Variants in DUS2 observed in about 807,000 individuals in gnomAD.
The protein encoded by DUS2 is dihydrouridine synthase 2, also known as tRNA-dihydrouridine(20) synthase [NAD(P)+]-like.
In DUS2, 52 loss-of-function variants were observed where a neutral mutation model predicts 71.3. That is an observed-to-expected ratio of 0.73 (90% CI 0.58 to 0.92). DUS2 has a LOEUF of 0.92. Ranked by LOEUF, DUS2 falls within the 40% of genes least tolerant of loss-of-function variation. The pLI is 0.00. For missense variants in DUS2, 558 were observed against 622.6 expected, an observed-to-expected ratio of 0.90 and a Z score of 1.10; for synonymous variants, 204 against 227.8, an observed-to-expected ratio of 0.90 and a Z score of 0.94.
chr16:68,063,030 T>C (rs545019369), intron 8 of DUS2, among the ~76,000 whole-genome samples: 1 of 152,346 alleles, frequency 6.6e-6, no homozygotes, highest in South Asian at 2.1e-4. Flanking sequence ...GCATTTTTGT[T>C]ATCCTCCAGC....
chr16:68,067,622 G>GAAT (rs1277278813), intron 10 of DUS2, among the ~76,000 whole-genome samples: 3 of 151,568 alleles, frequency 2.0e-5, no homozygotes, highest in Non-Finnish European at 4.4e-5. Flanking sequence ...CTTCTCCCTT[G>GAAT]AATAATCCCA....
intron 16 of DUS2, 99 bp from the exon 17 acceptor site, chr16:68,078,650 C>T: frequency 1.3e-6 from 2 of 1,484,566 alleles, no homozygotes; most frequent in Non-Finnish European, 1.9e-6. Context: ...TGGATGGTGA[C>T]CCCTTACTCA....
chr16:68,045,840 G>A (rs1392443792), intron 3 of DUS2, among the ~76,000 whole-genome samples: 1 of 151,178 alleles, frequency 6.6e-6, no homozygotes, highest in Non-Finnish European at 1.5e-5. Flanking sequence ...TGATTCTCCT[G>A]CCTCAGATTC....
intron 1 of DUS2, among the ~76,000 whole-genome samples, chr16:68,024,417 C>A (rs1456706484): frequency 6.6e-6 from 1 of 152,084 alleles, no homozygotes; most frequent in Non-Finnish European, 1.5e-5. Flanking sequence ...TTGAACAGAT[C>A]TGGAAAATGG....
At position 68,038,057 on chromosome 16, in the gene DUS2, A is replaced by C. The variant is rs1483914660; in HGVS notation, c.34A>C (p.Asn12His). Residue 12 changes from asparagine to histidine, a missense_variant, in exon 3 of 17, where the codon AAT (asparagine) becomes CAT (histidine). Coordinates refer to ENST00000565263, the MANE Select transcript of DUS2 (RefSeq NM_017803.5). ...ILNSLSLCYHNKLILAPMVRV... is the reference protein window; with the variant it reads ...ILNSLSLCYHHKLILAPMVRV... Reference sequence around the variant, plus strand: ...GAATAGCCTCTCTCTGTGTTACCATAATAAGCTAATCCTGGCCCCAATGGT... The same window carrying C: ...GAATAGCCTCTCTCTGTGTTACCATCATAAGCTAATCCTGGCCCCAATGGT... 1 of 1,613,922 alleles carries C rather than the reference A, an allele frequency of 6.2e-7. No individual in the cohort carries two copies. Among genetic ancestry groups the C allele is most frequent in the Non-Finnish European group, 8.5e-7 (1 of 1,179,938 alleles).
At chr16:68,077,024 A>C (rs2034168882) in intron 15 of DUS2, among the ~76,000 whole-genome samples, 1 of 151,808 alleles carries the variant, frequency 6.6e-6, no homozygotes, top group Admixed American at 6.6e-5. Context: ...TGGGAGGCCG[A>C]GGCAGGTGGA....
chr16:68,063,806 A>G (rs2033971761), intron 8 of DUS2, among the ~76,000 whole-genome samples: 2 of 152,054 alleles, frequency 1.3e-5, no homozygotes, highest in African/African-American at 2.4e-5. Context: ...TCACTGCAAC[A>G]TCCACCTCCT....
intron 2 of DUS2, among the ~76,000 whole-genome samples, chr16:68,029,831 A>G (rs2033411618): frequency 6.6e-6 from 1 of 151,582 alleles, no homozygotes; most frequent in South Asian, 2.1e-4. Flanking sequence ...AGCTGGATGC[A>G]GTGGCTCACG....
Position 68,066,304 on chromosome 16 carries a change from T to G in DUS2, c.418-13T>G. 1.9e-6 allele frequency: 3 copies of G among 1,614,036 alleles called. No homozygotes were observed. The highest frequency in any genetic ancestry group is 2.5e-6 in the Non-Finnish European group (3 of 1,179,890). ...CAGAAGACATAGGTGCTCTTGTGTT[T>G]TCCTTTCTGCAGATCCTCAGCACTC... On this transcript the variant is annotated splice_polypyrimidine_tract_variant and intron_variant, in intron 8 of 16. Coordinates refer to ENST00000565263, the MANE Select transcript of DUS2 (RefSeq NM_017803.5).
intron 2 of DUS2, 37 bp from the exon 3 acceptor site, chr16:68,037,969 T>C: frequency 6.3e-7 from 1 of 1,596,918 alleles, no homozygotes; most frequent in Non-Finnish European, 8.5e-7. Flanking sequence ...TTTTCTTCAT[T>C]TGAATTTCTG....
chr16:68,067,407 G>A (rs1409489869), intron 10 of DUS2, among the ~76,000 whole-genome samples: 2 of 143,732 alleles, frequency 1.4e-5, no homozygotes, highest in African/African-American at 5.2e-5. Context: ...TCAGCCTCCC[G>A]AGTAGCTGAG....
At chr16:68,038,761 A>T (rs2033573863) in intron 3 of DUS2, among the ~76,000 whole-genome samples, 1 of 151,300 alleles carries the variant, frequency 6.6e-6, no homozygotes, top group Non-Finnish European at 1.5e-5. Flanking sequence ...AATAAAAAAT[A>T]AAAAGAGGCT....
rs189763203 is a variant in DUS2, at chr16:68,027,749, C to A, written c.-19+2255C>A. 5.1e-3 allele frequency among the ~76,000 whole-genome samples: 770 copies of A among 152,244 alleles called. 8 individuals carry two copies. The highest frequency in any genetic ancestry group is 0.017 in the African/African-American group (703 of 41,554). Reference sequence around the variant, plus strand: ...AGGAATGAGCTCAGAGATGCCTTTACCCTGTTTTGGGAGATGTTGGTCAGA... The same window carrying A: ...AGGAATGAGCTCAGAGATGCCTTTAACCTGTTTTGGGAGATGTTGGTCAGA... On this transcript the variant is annotated intron_variant, in intron 2 of 16. Transcript: ENST00000565263.
chr16:68,042,455 A>G (rs922530408), intron 3 of DUS2, among the ~76,000 whole-genome samples: 2 of 152,258 alleles, frequency 1.3e-5, no homozygotes, highest in South Asian at 4.1e-4. Context: ...CATAACCATA[A>G]TAGCTGCATC....
chr16:68,050,629 C>G (rs889798679), intron 4 of DUS2, among the ~76,000 whole-genome samples: 2 of 151,782 alleles, frequency 1.3e-5, no homozygotes, highest in Non-Finnish European at 2.9e-5. Flanking sequence ...TATATATATC[C>G]CTCTTCTAGG....
intron 2 of DUS2, 131 bp from the exon 3 acceptor site, chr16:68,037,875 A>C (rs1051871598): frequency 3.5e-5 from 34 of 966,596 alleles, no homozygotes; most frequent in Admixed American, 8.6e-5. Context: ...ACAATCAAAC[A>C]TAAACAACCA....
At chr16:68,059,204 C>A (rs2033904150) in intron 7 of DUS2, among the ~76,000 whole-genome samples, 1 of 151,840 alleles carries the variant, frequency 6.6e-6, no homozygotes, top group East Asian at 1.9e-4. Flanking sequence ...CAGAGTGAGA[C>A]CCTATATGAG....
chr16:68,035,840 G>A lies in DUS2; in HGVS notation c.-18-2166G>A, dbSNP rs535796154. Among the ~76,000 whole-genome samples the A allele has an allele frequency of 1.6e-3, 230 of 139,578 alleles. 3 individuals carry two copies. Among genetic ancestry groups the A allele is most frequent in the Non-Finnish European group, 3.1e-3 (207 of 66,140 alleles). The allele number at this position is 139,578 out of a possible 152,430, so 91.6% of individuals were successfully genotyped here. A position where few individuals can be genotyped will look rare whatever the true frequency, so the allele number is the denominator to read the frequency against. ...AGCAATTCTCGTGCCACAGCTTCCC[G>A]AGTAGCTAGGATTACAGGTGTGTAC... On this transcript the variant is annotated intron_variant, in intron 2 of 16. Transcript: ENST00000565263.
chr16:68,078,339 C>T, intron 15 of DUS2, 106 bp from the exon 16 acceptor site: 1 of 1,094,200 alleles, frequency 9.1e-7, no homozygotes, highest in Non-Finnish European at 1.4e-6. Flanking sequence ...CTTCATTTGA[C>T]TTAGGTTGGA....
Sources: allele counts gnomAD v4.1 joint callset (sites outside exome capture counted in the v4.1 genomes callset), GRCh38; gene constraint gnomAD v4.1.1; transcripts MANE v1.5; gene names NCBI Gene and HGNC (gene_info 2026-07-23, HGNC 2026-07-21).